Variants in EIF4A2 observed in about 807,000 individuals in gnomAD.
EIF4A2 encodes the protein eukaryotic initiation factor 4A-II.
In EIF4A2, 9 loss-of-function variants were observed where a neutral mutation model predicts 50.6. The observed-to-expected ratio is 0.18, with a 90% CI of 0.11 to 0.31. The LOEUF is 0.31. Among genes scored for constraint, EIF4A2 ranks in the 10% least tolerant of loss-of-function variants. The pLI is 1.00. For missense variants in EIF4A2, 182 were observed against 501.8 expected (o/e 0.36, Z 6.09); for synonymous variants, 215 against 164.4 (o/e 1.31, Z -2.35).
At chr3:186,786,465 T>C in intron 6 of EIF4A2, 37 bp from the exon 7 acceptor site, 1 of 1,605,690 alleles carries the variant, frequency 6.2e-7, no homozygotes, top group South Asian at 1.1e-5. Flanking sequence ...GGTATTAATG[T>C]GTAAGTTGTG....
Position 186,789,427 on chromosome 3 carries a change from A to G in EIF4A2, c.*158A>G, listed in dbSNP as rs1721990803. The G allele has an allele frequency of 1.9e-6, 2 of 1,028,978 alleles. No homozygotes were observed. The highest frequency in any genetic ancestry group is 3.3e-5 in the African/African-American group (2 of 60,530). The allele number at this position is 1,028,978 out of a possible 1,614,324, so 63.7% of individuals were successfully genotyped here. ...TGATAGCAAAGCGACGTTAGTCGTG[A>G]GCTCTTGTGAGGAAAGTCATTGGCT... On this transcript the variant is annotated 3_prime_UTR_variant, in exon 11 of 11. Coordinates refer to ENST00000323963, the MANE Select transcript of EIF4A2 (RefSeq NM_001967.4).
chr3:186,789,045 G>A, intron 10 of EIF4A2, 80 bp from the exon 11 acceptor site: 6 of 1,504,964 alleles, frequency 4.0e-6, no homozygotes, highest in Non-Finnish European at 5.3e-6. Flanking sequence ...ACAGCAGCTG[G>A]TGGTTAACAA....
chr3:186,783,704 T>G, intron 1 of EIF4A2, 65 bp downstream of exon 1: 9 of 1,612,564 alleles, frequency 5.6e-6, no homozygotes, highest in Non-Finnish European at 7.6e-6. Context: ...GAGATGATAG[T>G]GGATGGCACG....
At position 186,786,834 on chromosome 3, in the gene EIF4A2, A is replaced by G. The variant is rs922972944; in HGVS notation, c.771+189A>G. On this transcript the variant is annotated intron_variant, in intron 7 of 10. Coordinates refer to ENST00000323963, the MANE Select transcript of EIF4A2 (RefSeq NM_001967.4). ...CTTAATGTCCAATGTCCTTTGTCTT[A>G]AGATTTGGTGCAATATCTCATTAGA... is the stretch of plus-strand genomic sequence containing the variant. 3.2e-6 allele frequency: 3 copies of G among 930,856 alleles called. No individual in the cohort carries two copies. In the African/African-American group the frequency reaches 4.8e-5, roughly 15 times the overall value. The allele number at this position is 930,856 out of a possible 1,614,324, so 57.7% of individuals were successfully genotyped here. A position where few individuals can be genotyped will look rare whatever the true frequency, so the allele number is the denominator to read the frequency against.
At chr3:186,786,329 G>A (rs1721702571) in intron 6 of EIF4A2, 56 bp downstream of exon 6, 1 of 1,553,956 alleles carries the variant, frequency 6.4e-7, no homozygotes, top group Non-Finnish European at 8.8e-7. Flanking sequence ...TTTAATGCAG[G>A]TACTGTTACA....
At chr3:186,786,797 G>A in intron 7 of EIF4A2, 152 bp downstream of exon 7, 4 of 1,092,514 alleles carry the variant, frequency 3.7e-6, no homozygotes, top group Non-Finnish European at 5.7e-6. Context: ...AAAGACTGGG[G>A]TGGACCTCTT....
At chr3:186,784,364 G>GCTAT (rs761416230) in intron 1 of EIF4A2, 68 bp from the exon 2 acceptor site, 6 of 1,611,918 alleles carry the variant, frequency 3.7e-6, no homozygotes, top group African/African-American at 2.7e-5. Context: ...GTTGCAAAGG[G>GCTAT]CTATGCGCTT....
chr3:186,783,635 A>T lies in EIF4A2; in HGVS notation c.25A>T (p.Asn9Tyr). ...CATGTCTGGTGGCTCCGCGGATTATAACAGGTATGCAGTCTGTTGGCGGTC... is the reference window on the plus strand; with the variant it reads ...CATGTCTGGTGGCTCCGCGGATTATTACAGGTATGCAGTCTGTTGGCGGTC... MSGGSADY[N>Y]REHGGPEGMD... Residue 9 changes from asparagine (N) to tyrosine (Y), a missense_variant, in exon 1 of 11, where the codon AAC becomes TAC. By Grantham distance (143) the Asn-to-Tyr change is moderately radical. Transcript: ENST00000323963. 1 of 1,614,136 alleles carries T rather than the reference A, an allele frequency of 6.2e-7. No homozygotes were observed. Among genetic ancestry groups the T allele is most frequent in the Non-Finnish European group, 8.5e-7 (1 of 1,180,020 alleles).
chr3:186,785,044 T>A lies in EIF4A2; in HGVS notation c.291T>A (p.Ile97=), dbSNP rs755425078. 43 of 1,614,082 alleles carry A rather than the reference T, an allele frequency of 2.7e-5. 1 individual carries two copies. In the Admixed American group the frequency reaches 5.3e-4, roughly 20 times the overall value. ...TTTCCATCCTGCAACAGTTGGAGATTGAGTTCAAGGAGACCCAAGCACTAG... is the reference window on the plus strand; with the variant it reads ...TTTCCATCCTGCAACAGTTGGAGATAGAGTTCAAGGAGACCCAAGCACTAG... ...FAISILQQLE[I]EFKETQALVL... Residue 97 remains isoleucine, a synonymous_variant, in exon 4 of 11, where the codon ATT becomes ATA. Coordinates refer to ENST00000323963, the MANE Select transcript of EIF4A2 (RefSeq NM_001967.4).
At chr3:186,788,356 T>C (rs1721894153) in intron 10 of EIF4A2, 1 of 1,290,046 alleles carries the variant, frequency 7.8e-7, no homozygotes, top group Non-Finnish European at 1.0e-6. Context: ...AGAAACGGCG[T>C]TGACGTAATT....
In EIF4A2 at chr3:186,784,115, G is replaced by T. The variant is rs891038027; in HGVS notation, c.30-317G>T. ...CCGGTGAACCGTTGGCATCGCCCTCGCCAGGCCGCTCCGCCCGCGTCAATC... is the reference window on the plus strand; with the variant it reads ...CCGGTGAACCGTTGGCATCGCCCTCTCCAGGCCGCTCCGCCCGCGTCAATC... On this transcript the variant is annotated intron_variant, in intron 1 of 10. Transcript: ENST00000323963. 18 of 493,514 alleles carry T rather than the reference G, an allele frequency of 3.6e-5. No homozygotes were observed. The Admixed American group carries it at 5.4e-4, about 15-fold the overall frequency. The allele number at this position is 493,514 out of a possible 1,614,324, so 30.6% of individuals were successfully genotyped here.
Position 186,789,742 on chromosome 3 carries a change from TCAATAA to T in EIF4A2, c.*474_*479del. ...GCATTTTGTTTGGTATTGTATTTAT[TCAATAA>T]AGTATTTAATTAGTGCTAAGTGTGA... On this transcript the variant is annotated 3_prime_UTR_variant, in exon 11 of 11. Transcript: ENST00000323963. The T allele has an allele frequency of 2.2e-6, 1 of 462,068 alleles. No individual in the cohort carries two copies. The highest frequency in any genetic ancestry group is 3.8e-6 in the Non-Finnish European group (1 of 260,450). 28.6% of individuals were successfully genotyped at this position (462,068 alleles called of 1,614,324 possible). A position where few individuals can be genotyped will look rare whatever the true frequency, so the allele number is the denominator to read the frequency against.
At position 186,784,438 on chromosome 3, in the gene EIF4A2, T is replaced by C; in HGVS notation, c.36T>C (p.His12=). 6.2e-7 allele frequency: 1 copy of C among 1,614,160 alleles called. No individual in the cohort carries two copies. The highest frequency in any genetic ancestry group is 8.5e-7 in the Non-Finnish European group (1 of 1,180,028). Residue 12 remains histidine (H), a synonymous_variant, in exon 2 of 11, where the codon CAT becomes CAC. Coordinates refer to ENST00000323963, the MANE Select transcript of EIF4A2 (RefSeq NM_001967.4). ...SGGSADYNRE[H]GGPEGMDPDG... ...GCAGTATTCTTGTCAGCAGAGAACA[T>C]GGCGGCCCAGAGGGAATGGACCCCG...
chr3:186,789,298 G>A lies in EIF4A2; in HGVS notation c.*29G>A. ...CTGGGATGAGAGTTTTGGATGCAGT[G>A]CTCGCTGTTGCTGAATAGGCGATCA... On this transcript the variant is annotated 3_prime_UTR_variant, in exon 11 of 11. Transcript: ENST00000323963. 6.3e-7 allele frequency: 1 copy of A among 1,586,930 alleles called. No individual in the cohort carries two copies. Among genetic ancestry groups the A allele is most frequent in the Non-Finnish European group, 8.6e-7 (1 of 1,167,122 alleles).
At position 186,789,454 on chromosome 3, in the gene EIF4A2, T is replaced by C; in HGVS notation, c.*185T>C. The C allele has an allele frequency of 2.7e-6, 2 of 731,030 alleles. No individual in the cohort carries two copies. Among genetic ancestry groups the C allele is most frequent in the Non-Finnish European group, 4.1e-6 (2 of 489,024 alleles). 45.3% of individuals were successfully genotyped at this position (731,030 alleles called of 1,614,324 possible). A position where few individuals can be genotyped will look rare whatever the true frequency, so the allele number is the denominator to read the frequency against. On this transcript the variant is annotated 3_prime_UTR_variant, in exon 11 of 11. Transcript: ENST00000323963. ...CTCTTGTGAGGAAAGTCATTGGCTT[T>C]ATCCTCTTTAGAGTTAGACTGTTGG...
chr3:186,789,120 C>T lies in EIF4A2; in HGVS notation c.1080-5C>T. 1 of 1,611,122 alleles carries T rather than the reference C, an allele frequency of 6.2e-7. No homozygotes were observed. Among genetic ancestry groups the T allele is most frequent in the Non-Finnish European group, 8.5e-7 (1 of 1,178,794 alleles). ...AGTAACGTTCTGATTCTTTTTCTTA[C>T]ACAGAATTGGCAGAGGGGGTCGATT... is the stretch of plus-strand genomic sequence containing the variant. On this transcript the variant is annotated splice_region_variant and splice_polypyrimidine_tract_variant and intron_variant, in intron 10 of 10. Coordinates refer to ENST00000323963, the MANE Select transcript of EIF4A2 (RefSeq NM_001967.4).
Position 186,784,448 on chromosome 3 carries a change from G to A in EIF4A2, c.46G>A (p.Glu16Lys), listed in dbSNP as rs757324676. The A allele has an allele frequency of 1.2e-6, 2 of 1,614,118 alleles. No individual in the cohort carries two copies. Among genetic ancestry groups the A allele is most frequent in the Admixed American group, 3.3e-5 (2 of 60,008 alleles). Residue 16 changes from glutamate to lysine, a missense_variant, in exon 2 of 11, where the codon GAG becomes AAG. By Grantham distance (56) the Glu-to-Lys change is moderately conservative (BLOSUM62 1). Coordinates refer to ENST00000323963, the MANE Select transcript of EIF4A2 (RefSeq NM_001967.4). ...TGTCAGCAGAGAACATGGCGGCCCA[G>A]AGGGAATGGACCCCGATGGTGTCAT... ...ADYNREHGGP[E>K]GMDPDGVIES...
In EIF4A2 at chr3:186,786,059, T is replaced by A. The variant is rs376922355; in HGVS notation, c.517+8T>A. On this transcript the variant is annotated splice_region_variant and intron_variant, in intron 5 of 10. Transcript: ENST00000323963. ...TAAACAGAAGATACCTTTGTAAGTATTGTCTTTAAGAGAGTATTTTTTTTA... is the reference window on the plus strand; with the variant it reads ...TAAACAGAAGATACCTTTGTAAGTAATGTCTTTAAGAGAGTATTTTTTTTA... The A allele has an allele frequency of 6.2e-7, 1 of 1,601,754 alleles. No homozygotes were observed. The highest frequency in any genetic ancestry group is 1.3e-5 in the African/African-American group (1 of 74,876).
At position 186,789,652 on chromosome 3, in the gene EIF4A2, T is replaced by C. The variant is rs1228972235; in HGVS notation, c.*383T>C. 2.9e-6 allele frequency: 1 copy of C among 347,276 alleles called. No individual in the cohort carries two copies. The highest frequency in any genetic ancestry group is 5.2e-6 in the Non-Finnish European group (1 of 190,806). The allele number at this position is 347,276 out of a possible 1,614,324, so 21.5% of individuals were successfully genotyped here. Reference sequence around the variant, plus strand: ...ATTATGTTAAACTAGCATATCTGCCTTTATTGTGTTTGTCATTAGCCTGAG... The same window carrying C: ...ATTATGTTAAACTAGCATATCTGCCCTTATTGTGTTTGTCATTAGCCTGAG... On this transcript the variant is annotated 3_prime_UTR_variant, in exon 11 of 11. Transcript: ENST00000323963.
Sources: gnomAD v4.1 joint callset for allele counts on GRCh38, gnomAD v4.1.1 for gene constraint, MANE v1.5 for transcripts, NCBI Gene and HGNC (gene_info 2026-07-23, HGNC 2026-07-21) for gene names.